ZFHX3: variants seen among roughly 807,000 people sequenced by gnomAD.
The protein encoded by ZFHX3 is zinc finger homeobox protein 3.
In ZFHX3, 42 loss-of-function variants were observed where a neutral mutation model predicts 279.1. The observed-to-expected ratio is 0.15, with a 90% CI of 0.12 to 0.19. ZFHX3 has a LOEUF of 0.19. Among genes scored for constraint, ZFHX3 ranks in the 10% least tolerant of loss-of-function variants. The pLI, the probability that ZFHX3 is intolerant of heterozygous loss-of-function variation, is 1.00. For missense variants in ZFHX3, 4,981 were observed against 4,754.0 expected (o/e 1.05, Z -1.40); for synonymous variants, 2,293 against 1,957.8 (o/e 1.17, Z -4.52).
At chr16:73,579,563 G>A (rs1355596410) in intron 2 of ZFHX3, among the ~76,000 whole-genome samples, 3 of 149,716 alleles carry the variant, frequency 2.0e-5, no homozygotes, top group East Asian at 2.0e-4. Flanking sequence ...GTGCAGTGGC[G>A]TGATCTTGGC....
intron 1 of ZFHX3, among the ~76,000 whole-genome samples, chr16:73,855,289 C>T (rs1961699277): frequency 7.3e-6 from 1 of 137,726 alleles, no homozygotes; most frequent in African/African-American, 2.7e-5. Flanking sequence ...AAATTCAGGG[C>T]AATGAAGCTG....
intron 2 of ZFHX3, among the ~76,000 whole-genome samples, chr16:73,568,658 G>A (rs2020483446): frequency 6.6e-6 from 1 of 152,150 alleles, no homozygotes; most frequent in Non-Finnish European, 1.5e-5. Flanking sequence ...GGTAAGTCCA[G>A]GTGAGTCCCA....
chr16:73,093,418 GGT>G (rs1567661346), exon 8 of ZFHX3: 1 of 470,190 alleles, frequency 2.1e-6, no homozygotes, highest in African/African-American at 2.0e-5. Context: ...TGATCACTTT[GGT>G]CCGTTTGAGG....
At chr16:72,839,230 A>G (rs1567541784) in intron 4 of ZFHX3, among the ~76,000 whole-genome samples, 1 of 151,620 alleles carries the variant, frequency 6.6e-6, no homozygotes, top group Non-Finnish European at 1.5e-5. Context: ...TAACCATGAA[A>G]AATTACACTT....
Position 73,103,241 on chromosome 16 carries a change from G to A in ZFHX3, c.-896-9643C>T, listed in dbSNP as rs144560704. On this transcript the variant is annotated intron_variant, in intron 7 of 17. Coordinates refer to the ZFHX3 transcript ENST00000641206. ...CGCCCAGCCTATTATCTTTGAAAAG[G>A]TCTCTACTGGCTCCCATTTCTACTG... Among the ~76,000 whole-genome samples the A allele has an allele frequency of 4.3e-3, 657 of 152,188 alleles. 5 individuals carry two copies. Among genetic ancestry groups the A allele is most frequent in the African/African-American group, 0.015 (630 of 41,532 alleles).
chr16:73,005,665 CT>C (rs1336726983), intron 1 of ZFHX3: 1 of 152,340 alleles, frequency 6.6e-6, no homozygotes, highest in African/African-American at 2.4e-5. Flanking sequence ...TGGCCGGCGC[CT>C]GTAGTCCCAG....
chr16:73,681,294 G>C (rs2053007423), intron 1 of ZFHX3, among the ~76,000 whole-genome samples: 1 of 152,152 alleles, frequency 6.6e-6, no homozygotes, highest in Non-Finnish European at 1.5e-5. Flanking sequence ...CCAATTACTG[G>C]TTACTCTACA....
chr16:73,118,443 A>C (rs1966457693), intron 7 of ZFHX3, among the ~76,000 whole-genome samples: 1 of 152,158 alleles, frequency 6.6e-6, no homozygotes, highest in Non-Finnish European at 1.5e-5. Flanking sequence ...TTTTCACCTC[A>C]GGTGATCTAC....
At chr16:72,915,351 G>A (rs933029537) in intron 3 of ZFHX3, among the ~76,000 whole-genome samples, 1 of 152,148 alleles carries the variant, frequency 6.6e-6, no homozygotes, top group African/African-American at 2.4e-5. Flanking sequence ...TCAACACCTA[G>A]ACTCGCAGAA....
intron 3 of ZFHX3, among the ~76,000 whole-genome samples, chr16:73,449,719 G>T (rs551911079): frequency 6.6e-6 from 1 of 152,128 alleles, no homozygotes; most frequent in Non-Finnish European, 1.5e-5. Context: ...AGGAGGTAAG[G>T]GAAGGAAATT....
intron 2 of ZFHX3, among the ~76,000 whole-genome samples, chr16:73,480,314 T>C (rs2143623898): frequency 6.6e-6 from 1 of 152,366 alleles, no homozygotes; most frequent in South Asian, 2.1e-4. Flanking sequence ...ATTTCTTCTC[T>C]ATTAGCGGCC....
At chr16:73,225,424 T>C (rs957398468) in intron 5 of ZFHX3, among the ~76,000 whole-genome samples, 1 of 152,008 alleles carries the variant, frequency 6.6e-6, no homozygotes, top group Admixed American at 6.6e-5. Flanking sequence ...GAGACTAGCC[T>C]GGGCAACATA....
chr16:72,905,850 G>A (rs1034566270), intron 3 of ZFHX3, among the ~76,000 whole-genome samples: 1 of 152,130 alleles, frequency 6.6e-6, no homozygotes, highest in African/African-American at 2.4e-5. Flanking sequence ...CACATCACAC[G>A]TACAACTTTA....
At chr16:73,557,578 C>A (rs932696570) in intron 2 of ZFHX3, among the ~76,000 whole-genome samples, 2 of 152,160 alleles carry the variant, frequency 1.3e-5, no homozygotes, top group African/African-American at 4.8e-5. Context: ...TATAGGGTAA[C>A]TTCCTGACAT....
chr16:73,404,827 T>G (rs1016893342), intron 3 of ZFHX3, among the ~76,000 whole-genome samples: 1 of 152,210 alleles, frequency 6.6e-6, no homozygotes, highest in African/African-American at 2.4e-5. Context: ...ATTTCCTAAG[T>G]GTTTCCCAGG....
rs553737768 is a variant in ZFHX3, at chr16:72,960,604, C to A, written c.-49-410G>T. On this transcript the variant is annotated intron_variant, in intron 1 of 9. Transcript: ENST00000268489. ...AGCCCTACCACTTATGGACAGCTCA[C>A]ACGAAGTCAGCCCCGACTCCGCGCA... 4.6e-5 allele frequency among the ~76,000 whole-genome samples: 7 copies of A among 152,162 alleles called. No individual in the cohort carries two copies. In the East Asian group the frequency reaches 1.4e-3, roughly 29 times the overall value.
chr16:73,690,154 C>A (rs1290810677), intron 1 of ZFHX3, among the ~76,000 whole-genome samples: 1 of 152,094 alleles, frequency 6.6e-6, no homozygotes, highest in Non-Finnish European at 1.5e-5. Flanking sequence ...TGACCTCAGA[C>A]AATCCTCCCA....
At chr16:72,905,747 G>A (rs1021069123) in intron 3 of ZFHX3, among the ~76,000 whole-genome samples, 1 of 152,220 alleles carries the variant, frequency 6.6e-6, no homozygotes, top group African/African-American at 2.4e-5. Context: ...TCAGATACCT[G>A]GAAGGCAGTG....
At chr16:73,111,967 C>T (rs770111785) in intron 7 of ZFHX3, among the ~76,000 whole-genome samples, 8 of 151,972 alleles carry the variant, frequency 5.3e-5, no homozygotes, top group South Asian at 2.1e-4. Context: ...GCCCACTGAC[C>T]GTCCTCTACC....
Sources: gnomAD v4.1 joint callset for allele counts (sites outside exome capture counted in the v4.1 genomes callset) on GRCh38, gnomAD v4.1.1 for gene constraint, MANE v1.5 for transcripts, NCBI Gene and HGNC (gene_info 2026-07-23, HGNC 2026-07-21) for gene names.